The following DSTYK variants were observed in gnomAD, a reference collection of about 807,000 sequenced individuals.
The protein encoded by DSTYK is dual serine/threonine and tyrosine protein kinase.
In DSTYK, 34 loss-of-function variants were observed where a neutral mutation model predicts 98.7. The observed-to-expected ratio is 0.34, with a 90% confidence interval of 0.26 to 0.46. The LOEUF (loss-of-function observed/expected upper bound fraction) is 0.46. Among genes scored for constraint, DSTYK ranks in the 20% least tolerant of loss-of-function variants. DSTYK has a pLI of 1.00. For missense variants in DSTYK, 962 were observed against 1,181.7 expected (o/e 0.81, Z 2.73); for synonymous variants, 462 against 457.3 (o/e 1.01, Z -0.13).
At chr1:205,161,513 A>T in intron 6 of DSTYK, 126 bp from the exon 7 acceptor site, 3 of 1,023,134 alleles carry the variant, frequency 2.9e-6, no homozygotes, top group Non-Finnish European at 4.2e-6. Flanking sequence ...GATACATGTA[A>T]CATGTTTAGC....
At chr1:205,173,390 C>CAAAAAAAAAAAAAAAAAAAAAAAAAAAA (rs570805658) in intron 2 of DSTYK, 1 of 82,606 alleles carries the variant, frequency 1.2e-5, no homozygotes, top group Non-Finnish European at 2.2e-5. Context: ...GAGACTGTCT[C>CAAAAAAAAAAAAAAAAAAAAAAAAAAAA]AAAAAAAAAA....
At chr1:205,164,017 A>C in intron 3 of DSTYK, 62 bp from the exon 4 acceptor site, 1 of 1,396,706 alleles carries the variant, frequency 7.2e-7, no homozygotes. Flanking sequence ...ACACTAAATA[A>C]AGTCATCTCC....
chr1:205,185,068 G>A (rs1337399092), intron 2 of DSTYK, among the ~76,000 whole-genome samples: 2 of 152,112 alleles, frequency 1.3e-5, no homozygotes, highest in African/African-American at 4.8e-5. Context: ...GGGCGTGGTG[G>A]CACACACCTG....
Position 205,211,503 on chromosome 1 carries a change from C to T in DSTYK, c.33G>A (p.Glu11=), listed in dbSNP as rs1450808144. The T allele has an allele frequency of 1.9e-6, 3 of 1,571,358 alleles. No homozygotes were observed. The highest frequency in any genetic ancestry group is 2.6e-6 in the Non-Finnish European group (3 of 1,164,240). Residue 11 remains glutamate (E), a synonymous_variant, in exon 1 of 13, where the codon GAG becomes GAA. Coordinates refer to ENST00000367162, the MANE Select transcript of DSTYK (RefSeq NM_015375.3). ...CGCCGGGGCCGGGACCCGAGACGGGCTCGCTGCCCCATGGCACCCCGTCGC... is the reference window on the plus strand; with the variant it reads ...CGCCGGGGCCGGGACCCGAGACGGGTTCGCTGCCCCATGGCACCCCGTCGC... MEGDGVPWGS[E]PVSGPGPGGG...
intron 1 of DSTYK, among the ~76,000 whole-genome samples, chr1:205,195,054 T>G (rs923268123): frequency 8.6e-5 from 13 of 150,530 alleles, no homozygotes; most frequent in Non-Finnish European, 1.5e-4. Context: ...CTCAAACTCC[T>G]GACCTCAGGT....
At chr1:205,178,965 C>T (rs569501771) in intron 2 of DSTYK, among the ~76,000 whole-genome samples, 1 of 151,514 alleles carries the variant, frequency 6.6e-6, no homozygotes, top group Non-Finnish European at 1.5e-5. Context: ...CCCATTTCTA[C>T]AAAAAAATAC....
At chr1:205,162,720 A>C (rs1657769531) in intron 5 of DSTYK, among the ~76,000 whole-genome samples, 1 of 152,174 alleles carries the variant, frequency 6.6e-6, no homozygotes, top group Admixed American at 6.5e-5. Context: ...TTTAAACCCA[A>C]AACTTCTGAG....
At chr1:205,202,184 C>G in intron 1 of DSTYK, 1 of 558,726 alleles carries the variant, frequency 1.8e-6, no homozygotes, top group South Asian at 1.4e-5. Flanking sequence ...TGAGGTAATC[C>G]GTGAAAATGG....
chr1:205,193,419 G>A (rs1167257247), intron 1 of DSTYK, among the ~76,000 whole-genome samples: 1 of 152,148 alleles, frequency 6.6e-6, no homozygotes, highest in Non-Finnish European at 1.5e-5. Flanking sequence ...CCAAAGTATG[G>A]TGCTTTGGCA....
chr1:205,193,779 G>C (rs1170427821), intron 1 of DSTYK, among the ~76,000 whole-genome samples: 2 of 151,718 alleles, frequency 1.3e-5, no homozygotes, highest in Non-Finnish European at 2.9e-5. Flanking sequence ...GCTAAGGCAG[G>C]AGAATCGCTT....
intron 2 of DSTYK, among the ~76,000 whole-genome samples, chr1:205,186,574 C>G (rs889152103): frequency 2.0e-5 from 3 of 152,182 alleles, no homozygotes; most frequent in African/African-American, 7.2e-5. Context: ...CTTCCTGGCA[C>G]AGTTAACCAA....
chr1:205,199,582 G>C (rs1021492650), intron 1 of DSTYK, among the ~76,000 whole-genome samples: 5 of 152,160 alleles, frequency 3.3e-5, no homozygotes, highest in Admixed American at 2.6e-4. Flanking sequence ...ACAAAGAACT[G>C]AATCAACCTC....
chr1:205,189,710 C>T (rs767364139), intron 1 of DSTYK, among the ~76,000 whole-genome samples: 11 of 152,176 alleles, frequency 7.2e-5, no homozygotes, highest in African/African-American at 1.7e-4. Flanking sequence ...TCTGTGTTCA[C>T]GCAGATCCCT....
At chr1:205,191,414 G>A (rs1658709702) in intron 1 of DSTYK, among the ~76,000 whole-genome samples, 1 of 152,222 alleles carries the variant, frequency 6.6e-6, no homozygotes, top group Admixed American at 6.5e-5. Flanking sequence ...GAGAATGAAG[G>A]CAGGCTTTGC....
In DSTYK at chr1:205,159,691, G is replaced by A. The variant is rs1657662208; in HGVS notation, c.2106-12C>T. 6.2e-7 allele frequency: 1 copy of A among 1,612,764 alleles called. No individual in the cohort carries two copies. On this transcript the variant is annotated splice_polypyrimidine_tract_variant and intron_variant, in intron 8 of 12. Coordinates refer to ENST00000367162, the MANE Select transcript of DSTYK (RefSeq NM_015375.3). ...GCTTCGGCAGAGACCTGGAGGGAAG[G>A]AGAGAGATCTGGGCTACAAGGCTTG...
chr1:205,173,046 T>C (rs1027664306), intron 2 of DSTYK: 4 of 152,010 alleles, frequency 2.6e-5, no homozygotes, highest in African/African-American at 9.7e-5. Context: ...ACTGCATAAA[T>C]GACAACATTA....
chr1:205,186,343 C>T (rs932137713), intron 2 of DSTYK, among the ~76,000 whole-genome samples: 5 of 152,320 alleles, frequency 3.3e-5, no homozygotes, highest in Admixed American at 2.0e-4. Context: ...GGGCTTGTTA[C>T]ATAGCCCCCT....
At chr1:205,187,868 GGA>G (rs1190356775) in intron 1 of DSTYK, 62 bp from the exon 2 acceptor site, 148 of 1,428,316 alleles carry the variant, frequency 1.0e-4, no homozygotes, top group Middle Eastern at 2.3e-4. Context: ...GTGAGGAAGG[GGA>G]GAGAGAGAGA....
chr1:205,169,155 G>A lies in DSTYK; in HGVS notation c.1324+8C>T. 1 of 1,580,230 alleles carries A rather than the reference G, an allele frequency of 6.3e-7. No homozygotes were observed. The highest frequency in any genetic ancestry group is 8.6e-7 in the Non-Finnish European group (1 of 1,163,190). ...TGCCAGCACCCCAACAAGCTCTCTG[G>A]GACCTACCTTTAAACTCCATGTTAG... is the stretch of plus-strand genomic sequence containing the variant. On this transcript the variant is annotated splice_region_variant and intron_variant, in intron 3 of 12. Coordinates refer to ENST00000367162, the MANE Select transcript of DSTYK (RefSeq NM_015375.3). The surrounding 1 kb of genome is among the most constrained non-coding windows in gnomAD (Gnocchi z 4.0).
Sources: gnomAD v4.1 joint callset for allele counts (sites outside exome capture counted in the v4.1 genomes callset) on GRCh38, gnomAD v4.1.1 for gene constraint, Gnocchi (gnomAD v3.1) non-coding constraint, MANE v1.5 for transcripts, NCBI Gene and HGNC (gene_info 2026-07-23, HGNC 2026-07-21) for gene names.